Variants in GPC6 observed in about 807,000 individuals in gnomAD.
The protein encoded by GPC6 is glypican-6.
Under a neutral mutation model 55.2 loss-of-function variants are expected in GPC6, and 14 were observed. The ratio of observed to expected loss-of-function variants is 0.25; its 90% CI spans 0.17 to 0.40. The LOEUF is 0.40. GPC6 is among the 10% of genes least tolerant of loss of function. The pLI, the probability that GPC6 is intolerant of heterozygous loss-of-function variation, is 1.00. For missense variants in GPC6, 641 were observed against 708.5 expected (o/e 0.90, Z 1.08); for synonymous variants, 278 against 259.6 (o/e 1.07, Z -0.68).
chr13:94,271,129 T>C (rs1406559473), intron 4 of GPC6, among the ~76,000 whole-genome samples: 9 of 151,370 alleles, frequency 5.9e-5, no homozygotes, highest in Admixed American at 5.3e-4. Flanking sequence ...TAGCTGGGAC[T>C]ACAGGCTCCC....
At chr13:93,623,185 T>C (rs1198201954) in intron 2 of GPC6, among the ~76,000 whole-genome samples, 1 of 152,142 alleles carries the variant, frequency 6.6e-6, no homozygotes, top group Non-Finnish European at 1.5e-5. Flanking sequence ...GTTGACCCTA[T>C]ATCTTAGCTA....
At chr13:93,962,044 G>A (rs918493877) in intron 3 of GPC6, among the ~76,000 whole-genome samples, 3 of 152,076 alleles carry the variant, frequency 2.0e-5, no homozygotes, top group East Asian at 1.9e-4. Context: ...CATTCAGGTC[G>A]ATATTATCAT....
At chr13:93,610,487 G>A (rs2139538696) in intron 2 of GPC6, among the ~76,000 whole-genome samples, 1 of 152,158 alleles carries the variant, frequency 6.6e-6, no homozygotes, top group African/African-American at 2.4e-5. Flanking sequence ...TCTAGTCAGG[G>A]GAGATAAACA....
chr13:93,704,818 T>C (rs976255709), intron 2 of GPC6, among the ~76,000 whole-genome samples: 11 of 151,934 alleles, frequency 7.2e-5, no homozygotes, highest in African/African-American at 2.7e-4. Flanking sequence ...AGTCTATTCT[T>C]ATAAGCATAT....
Position 94,403,301 on chromosome 13 carries a change from AC to A in GPC6, c.*86del. ...CTTTTCTTACACTCTTGGACAATGG[AC>A]CATGCCACAAAAACTTACCGTTTTC... On this transcript the variant is annotated 3_prime_UTR_variant, in exon 9 of 9. Transcript: ENST00000377047. 1.0e-6 allele frequency: 1 copy of A among 968,994 alleles called. No individual in the cohort carries two copies. Among genetic ancestry groups the A allele is most frequent in the Non-Finnish European group, 1.6e-6 (1 of 619,668 alleles). 60.0% of individuals were successfully genotyped at this position (968,994 alleles called of 1,614,324 possible). A position where few individuals can be genotyped will look rare whatever the true frequency, so the allele number is the denominator to read the frequency against.
chr13:94,351,322 T>C (rs983679086), intron 6 of GPC6, among the ~76,000 whole-genome samples: 7 of 152,068 alleles, frequency 4.6e-5, no homozygotes, highest in Non-Finnish European at 1.0e-4. Context: ...TCCTGCCTAA[T>C]GAGAATTTCT....
intron 1 of GPC6, among the ~76,000 whole-genome samples, chr13:93,515,208 C>T (rs1881142166): frequency 6.6e-6 from 1 of 152,048 alleles, no homozygotes; most frequent in Non-Finnish European, 1.5e-5. Flanking sequence ...GCGAAGGGTC[C>T]TCACTAGATG....
At chr13:94,083,050 TC>T (rs1885155726) in intron 4 of GPC6, among the ~76,000 whole-genome samples, 1 of 152,226 alleles carries the variant, frequency 6.6e-6, no homozygotes, top group African/African-American at 2.4e-5. Context: ...TGCTGGAATG[TC>T]CCCTGCTCAG....
chr13:93,364,088 C>T lies in GPC6; in HGVS notation c.160+136472C>T, dbSNP rs1055951012. 1.4e-4 allele frequency among the ~76,000 whole-genome samples: 21 copies of T among 152,062 alleles called. 1 individual carries two copies. Among genetic ancestry groups the T allele is most frequent in the Non-Finnish European group, 2.2e-4 (15 of 68,022 alleles). ...AATTTTCTTCCATTCTGCAGGTTGCCTGTTCACTCTGATGGTAGTTTCTTT... is the reference window on the plus strand; with the variant it reads ...AATTTTCTTCCATTCTGCAGGTTGCTTGTTCACTCTGATGGTAGTTTCTTT... On this transcript the variant is annotated intron_variant, in intron 1 of 8. Coordinates refer to ENST00000377047, the MANE Select transcript of GPC6 (RefSeq NM_005708.5).
intron 4 of GPC6, among the ~76,000 whole-genome samples, chr13:94,126,624 C>A (rs1288299708): frequency 6.6e-6 from 1 of 152,002 alleles, no homozygotes; most frequent in African/African-American, 2.4e-5. Flanking sequence ...ATCTTCTCAT[C>A]AATTAATAGA....
chr13:94,124,057 G>A (rs1279927498), intron 4 of GPC6, among the ~76,000 whole-genome samples: 2 of 152,014 alleles, frequency 1.3e-5, no homozygotes, highest in Admixed American at 6.6e-5. Flanking sequence ...TTAAAATCTT[G>A]TAAAAGCACA....
intron 2 of GPC6, among the ~76,000 whole-genome samples, chr13:93,628,286 C>T (rs1879290060): frequency 6.6e-6 from 1 of 152,138 alleles, no homozygotes; most frequent in Admixed American, 6.6e-5. Flanking sequence ...AGTTCCATCC[C>T]TGAGGGCAAT....
rs371325689 is a variant in GPC6, at chr13:93,822,144, T to A, written c.320-8010T>A. Among the ~76,000 whole-genome samples, 22 of 152,208 alleles carry A rather than the reference T, an allele frequency of 1.4e-4. No homozygotes were observed. The East Asian group carries it at 3.9e-3, about 27-fold the overall frequency. ...TGTATATATAAATATACACATTTCA[T>A]ATATACATGTATGTATATACATATT... On this transcript the variant is annotated intron_variant, in intron 2 of 8. Transcript: ENST00000377047.
chr13:93,347,765 A>G (rs1880480345), intron 1 of GPC6, among the ~76,000 whole-genome samples: 4 of 152,156 alleles, frequency 2.6e-5, no homozygotes, highest in South Asian at 2.1e-4. Flanking sequence ...GCTCACTCCA[A>G]TGAGAGGTGA....
chr13:94,022,861 G>A (rs1882752337), intron 3 of GPC6, among the ~76,000 whole-genome samples: 1 of 151,956 alleles, frequency 6.6e-6, no homozygotes, highest in South Asian at 2.1e-4. Context: ...CCATTTTTGT[G>A]TCATCTTTGG....
At chr13:94,000,764 A>G (rs1361699198) in intron 3 of GPC6, among the ~76,000 whole-genome samples, 1 of 152,206 alleles carries the variant, frequency 6.6e-6, no homozygotes, top group Non-Finnish European at 1.5e-5. Flanking sequence ...TTTCAAAGCA[A>G]TTTGCCAAAC....
At chr13:93,326,560 A>C (rs966653196) in intron 1 of GPC6, among the ~76,000 whole-genome samples, 1 of 152,234 alleles carries the variant, frequency 6.6e-6, no homozygotes, top group African/African-American at 2.4e-5. Context: ...ATATGTGTAC[A>C]TATACAAGCA....
At chr13:94,124,593 A>G (rs917074195) in intron 4 of GPC6, among the ~76,000 whole-genome samples, 6 of 152,046 alleles carry the variant, frequency 3.9e-5, no homozygotes, top group African/African-American at 1.4e-4. Flanking sequence ...GGGAGGAGGT[A>G]TAGAGTAAAA....
At chr13:93,638,831 A>C (rs1566462641) in intron 2 of GPC6, among the ~76,000 whole-genome samples, 1 of 152,134 alleles carries the variant, frequency 6.6e-6, no homozygotes, top group Non-Finnish European at 1.5e-5. Flanking sequence ...ATCTCAAAAT[A>C]ACTGGTTAAT....
Sources: gnomAD v4.1 joint callset for allele counts (sites outside exome capture counted in the v4.1 genomes callset) on GRCh38, gnomAD v4.1.1 for gene constraint, MANE v1.5 for transcripts, NCBI Gene and HGNC (gene_info 2026-07-23, HGNC 2026-07-21) for gene names.